GAL3ST2: variants seen among roughly 807,000 people sequenced by gnomAD.
GAL3ST2 encodes beta-galactose-3-O-sulfotransferase 2.
In GAL3ST2, 16 loss-of-function variants were observed where a neutral mutation model predicts 12.9. The ratio of observed to expected loss-of-function variants is 1.24; its 90% CI spans 0.84 to 1.88. The LOEUF (loss-of-function observed/expected upper bound fraction) is 1.88, where lower values mean the gene tolerates loss of function less well. Among genes scored for constraint, GAL3ST2 ranks in the 40% most tolerant of loss-of-function variants. The pLI is 0.00. For missense variants in GAL3ST2, 639 were observed against 571.8 expected, an observed-to-expected ratio of 1.12 and a Z score of -1.20; for synonymous variants, 302 against 273.9, an observed-to-expected ratio of 1.10 and a Z score of -1.01.
Position 241,801,640 on chromosome 2 carries a change from A to T in GAL3ST2, c.120-141A>T, listed in dbSNP as rs1699847948. On this transcript the variant is annotated intron_variant, in intron 2 of 3. Coordinates refer to ENST00000192314, the MANE Select transcript of GAL3ST2 (RefSeq NM_022134.3). This position sits in a 1 kb window ranked among gnomAD's most constrained non-coding sequence, Gnocchi z 4.4. ...GGATTGGGGCCATGGGTCGGTGCCTACCCAGTTGGCCCCCTGGCCTAGAGT... is the reference window on the plus strand; with the variant it reads ...GGATTGGGGCCATGGGTCGGTGCCTTCCCAGTTGGCCCCCTGGCCTAGAGT... 1.8e-6 allele frequency: 2 copies of T among 1,117,288 alleles called. No homozygotes were observed. Among genetic ancestry groups the T allele is most frequent in the Admixed American group, 2.6e-5 (1 of 37,862 alleles). 69.2% of individuals were successfully genotyped at this position (1,117,288 alleles called of 1,614,324 possible).
Position 241,802,098 on chromosome 2 carries a change from G to T in GAL3ST2, c.375+62G>T. ...GCCGTGCCTGTGGCTGTGGGTCTGG[G>T]TGGTGTAGCCTGGAGGCTGGAGAGA... On this transcript the variant is annotated intron_variant, in intron 3 of 3. Coordinates refer to ENST00000192314, the MANE Select transcript of GAL3ST2 (RefSeq NM_022134.3). This position sits in a 1 kb window ranked among gnomAD's most constrained non-coding sequence, Gnocchi z 4.8. 1 of 1,535,646 alleles carries T rather than the reference G, an allele frequency of 6.5e-7. No individual in the cohort carries two copies. The highest frequency in any genetic ancestry group is 2.0e-5 in the Admixed American group (1 of 50,806).
chr2:241,801,356 CT>C lies in GAL3ST2; in HGVS notation c.120-424del. ...ATGTGCCACATTTTCTTTACGGTCT[CT>C]ATGTAACATTCACACCCGGCAGCTG... On this transcript the variant is annotated intron_variant, in intron 2 of 3. Transcript: ENST00000192314. The surrounding 1 kb of genome is among the most constrained non-coding windows in gnomAD (Gnocchi z 4.4). 5.3e-6 allele frequency: 1 copy of C among 188,392 alleles called. No individual in the cohort carries two copies. Among genetic ancestry groups the C allele is most frequent in the African/African-American group, 2.4e-5 (1 of 42,226 alleles). The allele number at this position is 188,392 out of a possible 1,614,324, so 11.7% of individuals were successfully genotyped here.
chr2:241,781,793 T>C (rs1241712890), intron 1 of GAL3ST2, among the ~76,000 whole-genome samples: 1 of 152,254 alleles, frequency 6.6e-6, no homozygotes, highest in Admixed American at 6.5e-5. Context: ...CCTAATGTCT[T>C]AAAGGATTAA....
rs572043753 is a variant in GAL3ST2 at position 241,802,149 on chromosome 2, C to T, written c.375+113C>T. On this transcript the variant is annotated intron_variant, in intron 3 of 3. Transcript: ENST00000192314. The surrounding 1 kb of genome is among the most constrained non-coding windows in gnomAD (Gnocchi z 4.8). ...AGGAGTGTAAGGCTTGGGGGCGGGG[C>T]GTGCAGAAGGCGGGTTGGGAGGGCC... The T allele has an allele frequency of 9.8e-4, 1,027 of 1,050,744 alleles. No homozygotes were observed. Among genetic ancestry groups the T allele is most frequent in the Non-Finnish European group, 1.3e-3 (977 of 758,392 alleles). The allele number at this position is 1,050,744 out of a possible 1,614,324, so 65.1% of individuals were successfully genotyped here. A position where few individuals can be genotyped will look rare whatever the true frequency, so the allele number is the denominator to read the frequency against.
chr2:241,799,014 G>A (rs1321822986), intron 1 of GAL3ST2, 51 bp from the exon 2 acceptor site: 3 of 1,457,510 alleles, frequency 2.1e-6, no homozygotes, highest in Non-Finnish European at 2.9e-6. Flanking sequence ...GGAGGTGGGG[G>A]TGGGGCTGGC....
chr2:241,788,155 G>A (rs963177690), intron 1 of GAL3ST2, among the ~76,000 whole-genome samples: 7 of 152,118 alleles, frequency 4.6e-5, no homozygotes, highest in African/African-American at 1.7e-4. Flanking sequence ...ACCACTCACC[G>A]CTTTTGGGGT....
intron 1 of GAL3ST2, among the ~76,000 whole-genome samples, chr2:241,791,529 A>T (rs1270634771): frequency 1.3e-5 from 2 of 152,132 alleles, no homozygotes; most frequent in African/African-American, 4.8e-5. Context: ...AAAGAATATC[A>T]CTTTCTGACA....
At chr2:241,791,201 C>A (rs1224938544) in intron 1 of GAL3ST2, among the ~76,000 whole-genome samples, 1 of 152,168 alleles carries the variant, frequency 6.6e-6, no homozygotes, top group African/African-American at 2.4e-5. Context: ...TAGATCTCTG[C>A]AATTATTTTA....
At chr2:241,792,563 A>G (rs1015239476) in intron 1 of GAL3ST2, among the ~76,000 whole-genome samples, 10 of 151,604 alleles carry the variant, frequency 6.6e-5, no homozygotes, top group Non-Finnish European at 1.3e-4. Context: ...TCCTCCCCCT[A>G]TTTTCTCTTC....
intron 1 of GAL3ST2, among the ~76,000 whole-genome samples, chr2:241,794,488 T>C (rs1385652739): frequency 6.6e-6 from 1 of 152,192 alleles, no homozygotes; most frequent in African/African-American, 2.4e-5. Flanking sequence ...GCTGGGGCCA[T>C]TTGTCTGGGG....
In GAL3ST2 at chr2:241,802,985, G is replaced by A. The variant is rs1160880081; in HGVS notation, c.376-360G>A. On this transcript the variant is annotated intron_variant, in intron 3 of 3. Transcript: ENST00000192314. The surrounding 1 kb of genome is among the most constrained non-coding windows in gnomAD (Gnocchi z 4.8). ...GGGCCCGTGGAGGGCCCTTCGTGCT[G>A]TCTGTGCGCCACAGCATCCCACTCC... Among the ~76,000 whole-genome samples, 1 of 151,978 alleles carries A rather than the reference G, an allele frequency of 6.6e-6. No individual in the cohort carries two copies. The highest frequency in any genetic ancestry group is 1.5e-5 in the Non-Finnish European group (1 of 67,968).
chr2:241,789,026 A>G (rs1431893315), intron 1 of GAL3ST2, among the ~76,000 whole-genome samples: 1 of 152,256 alleles, frequency 6.6e-6, no homozygotes, highest in Non-Finnish European at 1.5e-5. Flanking sequence ...AGGCACATCT[A>G]CTTGCCAGAG....
intron 1 of GAL3ST2, among the ~76,000 whole-genome samples, chr2:241,796,352 G>T (rs763970311): frequency 1.1e-4 from 17 of 152,092 alleles, no homozygotes; most frequent in Non-Finnish European, 2.2e-4. Context: ...GCTCCTTGGA[G>T]ACATGGTTGA....
chr2:241,787,586 G>T (rs1465087718), intron 1 of GAL3ST2, among the ~76,000 whole-genome samples: 2 of 150,010 alleles, frequency 1.3e-5, no homozygotes, highest in Admixed American at 1.3e-4. Flanking sequence ...AACAAGGAGG[G>T]CCAGTTCTAC....
In GAL3ST2 at chr2:241,802,029, T is replaced by C; in HGVS notation, c.368T>C (p.Leu123Pro). 1 of 1,610,446 alleles carries C rather than the reference T, an allele frequency of 6.2e-7. No individual in the cohort carries two copies. The highest frequency in any genetic ancestry group is 8.5e-7 in the Non-Finnish European group (1 of 1,178,784). ...ATGTGCAACCACCTGAGGTTCAACC[T>C]GCCTCAGGTACCGCGGGCCTGCTGG... ...NIMCNHLRFN[L>P]PQVQKVMPND... The change falls in exon 3 of 4, where the codon CTG becomes CCG. Residue 123 changes from leucine (L) to proline (P), a missense_variant. Physicochemically the swap from Leu to Pro is moderately conservative, Grantham distance 98 (BLOSUM62 -3). Coordinates refer to ENST00000192314, the MANE Select transcript of GAL3ST2 (RefSeq NM_022134.3). This position sits in a 1 kb window ranked among gnomAD's most constrained non-coding sequence, Gnocchi z 4.8.
chr2:241,790,489 C>G (rs1259511097), intron 1 of GAL3ST2, among the ~76,000 whole-genome samples: 1 of 152,130 alleles, frequency 6.6e-6, no homozygotes, highest in African/African-American at 2.4e-5. Flanking sequence ...CTCTTAAGGA[C>G]TAAGCTCTGA....
At position 241,802,299 on chromosome 2, in the gene GAL3ST2, C is replaced by T. The variant is rs1699863143; in HGVS notation, c.375+263C>T. Among the ~76,000 whole-genome samples, 2 of 152,214 alleles carry T rather than the reference C, an allele frequency of 1.3e-5. No homozygotes were observed. The highest frequency in any genetic ancestry group is 4.8e-5 in the African/African-American group (2 of 41,464). The stretch of plus-strand genomic sequence containing the variant: ...CAAGGGCGTCCCCAGCGCTCCCCCG[C>T]TTCTCTGGCCTCCTAGTTGTGCACA... On this transcript the variant is annotated intron_variant, in intron 3 of 3. Coordinates refer to ENST00000192314, the MANE Select transcript of GAL3ST2 (RefSeq NM_022134.3). This position sits in a 1 kb window ranked among gnomAD's most constrained non-coding sequence, Gnocchi z 4.8.
intron 1 of GAL3ST2, among the ~76,000 whole-genome samples, chr2:241,782,474 C>T (rs1699577014): frequency 6.6e-6 from 1 of 152,054 alleles, no homozygotes; most frequent in Non-Finnish European, 1.5e-5. Context: ...TACAGGCACT[C>T]ACCACCATGC....
At chr2:241,779,389 T>A (rs895064909) in intron 1 of GAL3ST2, among the ~76,000 whole-genome samples, 7 of 151,352 alleles carry the variant, frequency 4.6e-5, no homozygotes, top group African/African-American at 1.5e-4. Flanking sequence ...GCCCGCCACC[T>A]CGCCCAGCTA....
Sources: gnomAD v4.1 joint callset for allele counts (sites outside exome capture counted in the v4.1 genomes callset) on GRCh38, gnomAD v4.1.1 for gene constraint, Gnocchi (gnomAD v3.1) non-coding constraint, MANE v1.5 for transcripts, NCBI Gene and HGNC (gene_info 2026-07-23, HGNC 2026-07-21) for gene names.